Variants in EMSY observed in about 807,000 individuals in gnomAD.
The protein encoded by EMSY is EMSY transcriptional repressor, BRCA2 interacting.
EMSY carries 26 observed loss-of-function variants against 134.6 expected under a neutral mutation model. The ratio of observed to expected loss-of-function variants is 0.19; its 90% CI spans 0.14 to 0.27. EMSY has a LOEUF of 0.27. Among genes scored for constraint, EMSY ranks in the 10% least tolerant of loss-of-function variants. The pLI is 1.00. For synonymous variants in EMSY, 579 were observed against 577.8 expected, an observed-to-expected ratio of 1.00 and a Z score of -0.03; for missense variants, 1,305 against 1,611.4, an observed-to-expected ratio of 0.81 and a Z score of 3.26.
At chr11:76,463,922 G>T in exon 7 of EMSY, 1 of 1,614,200 alleles carries the variant, frequency 6.2e-7, no homozygotes, top group Non-Finnish European at 8.5e-7. Flanking sequence ...AAAGGCCGTT[G>T]TTCCAGTCTC....
intron 6 of EMSY, among the ~76,000 whole-genome samples, chr11:76,461,948 A>G (rs1015663710): frequency 6.7e-6 from 1 of 149,828 alleles, no homozygotes; most frequent in Non-Finnish European, 1.5e-5. Flanking sequence ...AAGAAAAGAA[A>G]ACACCAGGCC....
At chr11:76,514,352 G>C (rs1204411777) in intron 10 of EMSY, among the ~76,000 whole-genome samples, 1 of 152,014 alleles carries the variant, frequency 6.6e-6, no homozygotes, top group African/African-American at 2.4e-5. Context: ...TTTGAGGATG[G>C]CTAGTATTTA....
At chr11:76,528,223 CG>C in intron 13 of EMSY, 44 bp from the exon 15 acceptor site, 1 of 1,521,344 alleles carries the variant, frequency 6.6e-7, no homozygotes, top group Non-Finnish European at 9.1e-7. Context: ...ATTTTTAAAT[CG>C]TTTTCTAAAA....
At chr11:76,469,434 A>G (rs866524429) in intron 7 of EMSY, among the ~76,000 whole-genome samples, 2 of 152,306 alleles carry the variant, frequency 1.3e-5, no homozygotes, top group Non-Finnish European at 2.9e-5. Context: ...AATTCTTTGG[A>G]TTCTCAGAGG....
chr11:76,552,716 C>A (rs980982492), downstream of EMSY: 1 of 152,162 alleles, frequency 6.6e-6, no homozygotes, highest in East Asian at 1.9e-4. Context: ...TTTAGTATAT[C>A]CACAGAGTTG....
chr11:76,527,635 C>CA (rs1950890193), intron 13 of EMSY, among the ~76,000 whole-genome samples: 1 of 151,578 alleles, frequency 6.6e-6, no homozygotes, highest in Admixed American at 6.6e-5. Context: ...TAACTTTTGC[C>CA]AGGAGCTGAT....
intron 11 of EMSY, among the ~76,000 whole-genome samples, chr11:76,521,557 G>A (rs1950637765): frequency 6.6e-6 from 1 of 152,032 alleles, no homozygotes; most frequent in South Asian, 2.1e-4. Context: ...GAGGCCAGGA[G>A]TTCAAGACCA....
At chr11:76,462,407 T>C (rs1205952217) in intron 6 of EMSY, among the ~76,000 whole-genome samples, 1 of 152,242 alleles carries the variant, frequency 6.6e-6, no homozygotes, top group Admixed American at 6.5e-5. Context: ...TACCTAACTT[T>C]GTATGTGCAA....
Position 76,523,961 on chromosome 11 carries a change from G to T in EMSY, c.1821+670G>T, listed in dbSNP as rs1950751104. On this transcript the variant is annotated intron_variant, in intron 12 of 20. Transcript: ENST00000334736. Reference sequence around the variant, plus strand: ...GTTACTTGGGAGGCTAAGGTGGGAGGATCACATGAGCCCGGGAGTTTGAGG... The same window carrying T: ...GTTACTTGGGAGGCTAAGGTGGGAGTATCACATGAGCCCGGGAGTTTGAGG... Among the ~76,000 whole-genome samples the T allele has an allele frequency of 2.0e-5, 3 of 151,804 alleles. No homozygotes were observed. In the South Asian group the frequency reaches 6.2e-4, roughly 32 times the overall value.
chr11:76,456,720 A>G (rs1947887814), intron 4 of EMSY, among the ~76,000 whole-genome samples: 1 of 152,152 alleles, frequency 6.6e-6, no homozygotes, highest in Non-Finnish European at 1.5e-5. Flanking sequence ...ACTGTGTTAA[A>G]CCATAAAGGA....
intron 9 of EMSY, among the ~76,000 whole-genome samples, chr11:76,504,856 A>G (rs1413594205): frequency 6.6e-6 from 1 of 152,230 alleles, no homozygotes; most frequent in Non-Finnish European, 1.5e-5. Context: ...ATGCTACAAG[A>G]TGGATGAACC....
intron 18 of EMSY, among the ~76,000 whole-genome samples, chr11:76,542,753 G>GTTTTTTGTTTTTTTTTTTTTTTTTTTT (rs749234059): frequency 9.2e-6 from 1 of 109,256 alleles, no homozygotes; most frequent in Non-Finnish European, 1.9e-5. Context: ...TTCGTTTTTT[G>GTTTTTTGTTTTTTTTTTTTTTTTTTTT]TTTTTTTTTT....
At chr11:76,450,118 G>A (rs1045276072) in intron 2 of EMSY, among the ~76,000 whole-genome samples, 1 of 141,360 alleles carries the variant, frequency 7.1e-6, no homozygotes, top group African/African-American at 2.7e-5. Flanking sequence ...TAAAGCTTCT[G>A]CTTCTACGCT....
intron 13 of EMSY, 23 bp from the exon 15 acceptor site, chr11:76,528,245 G>A: frequency 6.3e-7 from 1 of 1,598,554 alleles, no homozygotes; most frequent in East Asian, 2.2e-5. Flanking sequence ...TTTTATCTCA[G>A]TATATTTCTG....
chr11:76,545,248 G>A (rs1345018348), intron 19 of EMSY, among the ~76,000 whole-genome samples: 1 of 151,980 alleles, frequency 6.6e-6, no homozygotes, highest in Admixed American at 6.5e-5. Context: ...TTATATCATA[G>A]CCATCTAGTT....
At chr11:76,451,306 T>C (rs1359784265) in intron 2 of EMSY, among the ~76,000 whole-genome samples, 10 of 152,112 alleles carry the variant, frequency 6.6e-5, no homozygotes, top group Non-Finnish European at 1.5e-4. Context: ...AGGAAACAGG[T>C]TTAGAGATGA....
chr11:76,498,930 G>A (rs1214243975), intron 9 of EMSY, among the ~76,000 whole-genome samples: 1 of 152,182 alleles, frequency 6.6e-6, no homozygotes. Flanking sequence ...AGCATACAGT[G>A]TAGTTATATA....
intron 19 of EMSY, among the ~76,000 whole-genome samples, chr11:76,545,024 A>G (rs879919412): frequency 6.6e-6 from 1 of 152,190 alleles, no homozygotes; most frequent in African/African-American, 2.4e-5. Context: ...GGAAGAAAAA[A>G]AAGCATAGCA....
chr11:76,503,300 CAA>C (rs61098325), intron 9 of EMSY, among the ~76,000 whole-genome samples: 5 of 70,780 alleles, frequency 7.1e-5, no homozygotes, highest in South Asian at 6.6e-4. Flanking sequence ...GGCGTGGTCT[CAA>C]AAAAAAAAAA....
Sources: allele counts gnomAD v4.1 joint callset (sites outside exome capture counted in the v4.1 genomes callset), GRCh38; gene constraint gnomAD v4.1.1; transcripts MANE v1.5; gene names NCBI Gene and HGNC (gene_info 2026-07-23, HGNC 2026-07-21).